The following NXF2B variants were observed in gnomAD, a reference collection of about 807,000 sequenced individuals.
NXF2B encodes nuclear RNA export factor 2B.
intron 2 of NXF2B, among the ~76,000 whole-genome samples, chrX:102,386,016 T>C (rs1298955715): frequency 8.7e-6 from 1 of 114,468 alleles, no homozygotes; most frequent in African/African-American, 3.2e-5. Context: ...GGTGCGATCT[T>C]GGCTCACTGC....
chrX:102,405,052 C>T (rs1481210874), intron 2 of NXF2B, among the ~76,000 whole-genome samples: 4 of 64,530 alleles, frequency 6.2e-5, no homozygotes, highest in African/African-American at 1.3e-4. Context: ...GAGGCTGAGG[C>T]GGGAGGATCA....
intron 2 of NXF2B, among the ~76,000 whole-genome samples, chrX:102,397,780 A>C (rs1205678809): frequency 9.5e-6 from 1 of 104,929 alleles, no homozygotes; most frequent in Non-Finnish European, 2.0e-5. Context: ...TTTGCAATCT[A>C]CTCATCTGAC....
intron 1 of NXF2B, among the ~76,000 whole-genome samples, chrX:102,377,045 C>T (rs1193076932): frequency 1.7e-5 from 2 of 115,017 alleles, no homozygotes. Flanking sequence ...TTCAGTTCCA[C>T]CTCTGAGTCT....
chrX:102,438,436 C>T (rs1197182662), intron 2 of NXF2B, 117 bp downstream of exon 2: 1 of 47,095 alleles, frequency 2.1e-5, no homozygotes, highest in Non-Finnish European at 5.0e-5. Context: ...ATCCCTCCCT[C>T]GCCACTGGGA....
At chrX:102,420,567 CTTCT>C (rs1934412339) in intron 2 of NXF2B, among the ~76,000 whole-genome samples, 1 of 103,246 alleles carries the variant, frequency 9.7e-6, no homozygotes, top group African/African-American at 3.6e-5. Flanking sequence ...TCTCTCTTTT[CTTCT>C]TTATTAGTCT....
chrX:102,412,629 AAGAAGAAGAAGAAGAAGT>A, intron 2 of NXF2B, among the ~76,000 whole-genome samples: 1 of 27,347 alleles, frequency 3.7e-5, no homozygotes, highest in Non-Finnish European at 8.1e-5. Flanking sequence ...GAAGAAGAAG[AAGAAGAAGAAGAAGAAGT>A]AGTCATCATC....
chrX:102,397,398 ATC>A (rs1556392195), intron 2 of NXF2B, among the ~76,000 whole-genome samples: 1 of 36,398 alleles, frequency 2.7e-5, no homozygotes, highest in African/African-American at 7.6e-5. Context: ...CAACTATCTG[ATC>A]TCTCACAAAC....
chrX:102,398,199 T>C (rs1390116597), intron 2 of NXF2B, among the ~76,000 whole-genome samples: 5 of 71,399 alleles, frequency 7.0e-5, no homozygotes, highest in African/African-American at 2.9e-4. Flanking sequence ...GACATGCTCA[T>C]TAAAACCACA....
At position 102,412,573 on chromosome X, in the gene NXF2B, AGAGGAAGAGGAAGAG is replaced by A. The variant is rs1569471505; in HGVS notation, c.-54+25965_-54+25979del. The stretch of plus-strand genomic sequence containing the variant: ...AGAAGAAGAAGAAGAAGAAGGAAGA[AGAGGAAGAGGAAGAG>A]GAAGAGGAAGAAGAAGAAGAAGAAG... On this transcript the variant is annotated intron_variant, in intron 2 of 22. Transcript: ENST00000602195. 4.6e-3 allele frequency among the ~76,000 whole-genome samples: 34 copies of A among 7,450 alleles called. 3 individuals are homozygous for A. Among genetic ancestry groups the A allele is most frequent in the Non-Finnish European group, 7.6e-3 (25 of 3,283 alleles). 6.5% of individuals were successfully genotyped at this position (7,450 alleles called of 115,157 possible).
At chrX:102,420,404 G>A (rs1306573445) in intron 2 of NXF2B, among the ~76,000 whole-genome samples, 2 of 103,901 alleles carry the variant, frequency 1.9e-5, no homozygotes, top group Non-Finnish European at 4.0e-5. Context: ...AGTCTTGGGC[G>A]AGTGTATGTG....
chrX:102,432,672 T>C (rs1488774955), intron 2 of NXF2B, among the ~76,000 whole-genome samples: 51 of 63,354 alleles, frequency 8.1e-4, no homozygotes, highest in Non-Finnish European at 1.2e-3. Flanking sequence ...TGGAAAACAG[T>C]ATGGAGGTAC....
chrX:102,385,675 T>TCTCGGTGGTC (rs1934258417), intron 2 of NXF2B, among the ~76,000 whole-genome samples: 1 of 4,821 alleles, frequency 2.1e-4, no homozygotes, highest in Non-Finnish European at 4.1e-4. Context: ...ACAGTGTAGA[T>TCTCGGTGGTC]GCAGACTAAG....
At chrX:102,385,862 CAT>C (rs1457576301) in intron 2 of NXF2B, among the ~76,000 whole-genome samples, 2 of 99,918 alleles carry the variant, frequency 2.0e-5, no homozygotes, top group African/African-American at 7.4e-5. Context: ...GTTATGGAAA[CAT>C]ATTCTTTTCA....
Position 102,412,637 on chromosome X carries a change from G to GAAGA in NXF2B, c.-54+25912_-54+25915dup, listed in dbSNP as rs1556393166. On this transcript the variant is annotated intron_variant, in intron 2 of 22. Coordinates refer to the NXF2B transcript ENST00000602195. Reference sequence around the variant, plus strand: ...AGAAGAAGAAGAAGAAGAAGAAGAAGAAGAAGAAGTAGTCATCATCGTCGT... The same window carrying GAAGA: ...AGAAGAAGAAGAAGAAGAAGAAGAAGAAGAAAGAAGAAGTAGTCATCATCGTCGT... Among the ~76,000 whole-genome samples, 13 of 25,466 alleles carry GAAGA rather than the reference G, an allele frequency of 5.1e-4. 1 individual carries two copies. Among genetic ancestry groups the GAAGA allele is most frequent in the South Asian group, 1.4e-3 (1 of 693 alleles). The allele number at this position is 25,466 out of a possible 115,157, so 22.1% of individuals were successfully genotyped here.
chrX:102,397,957 A>G (rs1384510222), intron 2 of NXF2B, among the ~76,000 whole-genome samples: 35 of 113,772 alleles, frequency 3.1e-4, no homozygotes, highest in Non-Finnish European at 4.5e-4. Flanking sequence ...TAAACAGACA[A>G]CCCACAGAGT....
intron 1 of NXF2B, among the ~76,000 whole-genome samples, chrX:102,377,148 T>TTGTGTG (rs781891878): frequency 1.1e-3 from 58 of 54,399 alleles, no homozygotes; most frequent in African/African-American, 4.0e-3. Flanking sequence ...GAGAGTGTAT[T>TTGTGTG]TGTGTGTGTG....
At chrX:102,397,038 GTCT>G (rs1934322216) in intron 2 of NXF2B, among the ~76,000 whole-genome samples, 1 of 94,534 alleles carries the variant, frequency 1.1e-5, no homozygotes, top group African/African-American at 3.4e-5. Context: ...CTGCATAAAT[GTCT>G]TCTTTTGAGA....
Position 102,426,484 on chromosome X carries a change from T to TTGAC in NXF2B, c.-54+12065_-54+12068dup, listed in dbSNP as rs1356351349. Among the ~76,000 whole-genome samples, 30 of 55,299 alleles carry TTGAC rather than the reference T, an allele frequency of 5.4e-4. No individual in the cohort carries two copies. The East Asian group carries it at 7.6e-3, about 14-fold the overall frequency. The allele number at this position is 55,299 out of a possible 115,157, so 48.0% of individuals were successfully genotyped here. ...TGTCTGCACGTCTGCACATGGTTGA[T>TTGAC]TGACTGACTGACTGACTGACTGACT... On this transcript the variant is annotated intron_variant, in intron 2 of 22. Coordinates refer to the NXF2B transcript ENST00000602195.
chrX:102,433,551 TA>T (rs1934468367), intron 2 of NXF2B, among the ~76,000 whole-genome samples: 2 of 59,479 alleles, frequency 3.4e-5, no homozygotes, highest in African/African-American at 1.4e-4. Context: ...CAGATGATAT[TA>T]TAGTATACCT....
Sources: allele counts gnomAD v4.1 joint callset (sites outside exome capture counted in the v4.1 genomes callset), GRCh38; gene constraint gnomAD v4.1.1; transcripts MANE v1.5; gene names NCBI Gene and HGNC (gene_info 2026-07-23, HGNC 2026-07-21).